NDUFV3: variants seen among roughly 807,000 people sequenced by gnomAD.
NDUFV3 encodes NADH:ubiquinone oxidoreductase subunit V3.
Under a neutral mutation model 37.5 loss-of-function variants are expected in NDUFV3, and 44 were observed. The observed-to-expected ratio is 1.17, with a 90% CI of 0.92 to 1.51. The LOEUF (loss-of-function observed/expected upper bound fraction) is 1.51, where lower values mean the gene tolerates loss of function less well. Among genes scored for constraint, NDUFV3 ranks in the 40% most tolerant of loss-of-function variants. The pLI, the probability that NDUFV3 is intolerant of heterozygous loss-of-function variation, is 0.00. For missense variants in NDUFV3, 580 were observed against 580.4 expected (o/e 1.00, Z 0.01); for synonymous variants, 235 against 239.3 (o/e 0.98, Z 0.17).
At chr21:42,901,334 C>T (rs1361131888) in intron 2 of NDUFV3, among the ~76,000 whole-genome samples, 2 of 151,880 alleles carry the variant, frequency 1.3e-5, no homozygotes, top group African/African-American at 4.8e-5. Flanking sequence ...CCCAGCTACT[C>T]GGGAGGCTGA....
At chr21:42,894,375 TATA>T (rs1220385344) in intron 1 of NDUFV3, among the ~76,000 whole-genome samples, 1 of 31,040 alleles carries the variant, frequency 3.2e-5, no homozygotes, top group East Asian at 4.2e-4. Flanking sequence ...TATATATTTA[TATA>T]ATATGTAAAT....
rs1568859246 is a variant in NDUFV3, at chr21:42,903,371, C to G, written c.359C>G (p.Thr120Ser). Residue 120 changes from threonine (T) to serine (S), a missense_variant, in exon 3 of 4, where the codon ACT becomes AGT. Transcript: ENST00000354250. ...GTTCCGAAATTTTTGTCAAGAAAGA[C>G]TTTGGTAGAGTTTCCACAGAAAGTT... ...EGVPKFLSRKTLVEFPQKVLS... is the reference protein window; with the variant it reads ...EGVPKFLSRKSLVEFPQKVLS... The G allele has an allele frequency of 4.3e-6, 7 of 1,614,184 alleles. No individual in the cohort carries two copies. The highest frequency in any genetic ancestry group is 5.9e-6 in the Non-Finnish European group (7 of 1,180,036).
intron 1 of NDUFV3, among the ~76,000 whole-genome samples, chr21:42,894,444 TATATA>T (rs2058678410): frequency 1.8e-5 from 1 of 55,320 alleles, no homozygotes; most frequent in Non-Finnish European, 2.9e-5. Context: ...TATTATATAA[TATATA>T]TAATATGTTT....
chr21:42,901,416 T>C (rs143521516), intron 2 of NDUFV3, among the ~76,000 whole-genome samples: 1 of 150,294 alleles, frequency 6.7e-6, no homozygotes, highest in African/African-American at 2.5e-5. Context: ...CACTCTAGCC[T>C]GACCCAAAAG....
chr21:42,910,094 G>A lies in NDUFV3; in HGVS notation c.*1073G>A, dbSNP rs1186155113. The A allele has an allele frequency of 6.6e-6, 1 of 152,110 alleles. No individual in the cohort carries two copies. The highest frequency in any genetic ancestry group is 1.5e-5 in the Non-Finnish European group (1 of 68,040). 9.4% of individuals were successfully genotyped at this position (152,110 alleles called of 1,614,324 possible). On this transcript the variant is annotated 3_prime_UTR_variant, in exon 4 of 4. Transcript: ENST00000354250. ...TAATCCCAGCGCTTTGGGAGGGCGAGGCGGGTGGAGCACCTGAGGTCAGGA... is the reference window on the plus strand; with the variant it reads ...TAATCCCAGCGCTTTGGGAGGGCGAAGCGGGTGGAGCACCTGAGGTCAGGA...
chr21:42,904,062 C>T lies in NDUFV3; in HGVS notation c.1050C>T (p.Pro350=). The change falls in exon 3 of 4, where the codon CCC becomes CCT. Residue 350 remains proline (P), a synonymous_variant. Transcript: ENST00000354250. ...AGCGCAAGGCGGCCCCTCCCCTGCCCAGAAAGGAAACCTCAGGGACGCAGG... is the reference window on the plus strand; with the variant it reads ...AGCGCAAGGCGGCCCCTCCCCTGCCTAGAAAGGAAACCTCAGGGACGCAGG... The part of the protein sequence containing the change: ...EPQRKAAPPL[P]RKETSGTQGI... 6.2e-7 allele frequency: 1 copy of T among 1,614,216 alleles called. No homozygotes were observed. Among genetic ancestry groups the T allele is most frequent in the Non-Finnish European group, 8.5e-7 (1 of 1,180,048 alleles).
In NDUFV3 at chr21:42,893,675, G is replaced by C. The variant is rs536166850; in HGVS notation, c.48+294G>C. Among the ~76,000 whole-genome samples the C allele has an allele frequency of 2.1e-4, 32 of 152,328 alleles. 3 individuals are homozygous for C. The East Asian group carries it at 5.2e-3, about 25-fold the overall frequency. ...GGCGCTCCCGAGGGCTGCATGCCTG[G>C]GCGGCAGACTCGGGTGGACGTTCCC... On this transcript the variant is annotated intron_variant, in intron 1 of 3. Coordinates refer to ENST00000354250, the MANE Select transcript of NDUFV3 (RefSeq NM_021075.4).
intron 3 of NDUFV3, 150 bp from the exon 4 acceptor site, chr21:42,908,714 G>A (rs569408555): frequency 1.5e-5 from 11 of 734,756 alleles, no homozygotes; most frequent in East Asian, 5.4e-5. Flanking sequence ...GTAGGTAAGC[G>A]CCTGTATGTG....
Position 42,904,224 on chromosome 21 carries a change from C to T in NDUFV3, c.1212C>T (p.Gly404=), listed in dbSNP as rs1460453148. 35 of 1,612,910 alleles carry T rather than the reference C, an allele frequency of 2.2e-5. No homozygotes were observed. The highest frequency in any genetic ancestry group is 2.7e-5 in the Non-Finnish European group (32 of 1,179,536). ...KTAALKLEAE[G]EAMEDAAAPG... ...CAGCGCTGAAGCTTGAGGCCGAGGG[C>T]GAGGCCATGGAAGATGCAGCCGCGC... Residue 404 remains glycine (G), a synonymous_variant, in exon 3 of 4, where the codon GGC becomes GGT. Transcript: ENST00000354250.
At chr21:42,905,577 G>A (rs1037433204) in intron 3 of NDUFV3, among the ~76,000 whole-genome samples, 75 of 152,214 alleles carry the variant, frequency 4.9e-4, no homozygotes, top group African/African-American at 1.8e-3. Flanking sequence ...GTACAATGGC[G>A]CAATCTTGGC....
chr21:42,897,951 C>G (rs756351030), intron 2 of NDUFV3, among the ~76,000 whole-genome samples: 2 of 152,254 alleles, frequency 1.3e-5, no homozygotes, highest in Non-Finnish European at 2.9e-5. Context: ...GCTGGAATTA[C>G]AGGCGTGAGC....
In NDUFV3 at chr21:42,910,400, A is replaced by G. The variant is rs1050946138; in HGVS notation, c.*1379A>G. 6.6e-6 allele frequency: 1 copy of G among 152,388 alleles called. No individual in the cohort carries two copies. The highest frequency in any genetic ancestry group is 1.5e-5 in the Non-Finnish European group (1 of 68,112). The allele number at this position is 152,388 out of a possible 1,614,324, so 9.4% of individuals were successfully genotyped here. Reference sequence around the variant, plus strand: ...TTGTATTGCAGTATTTTACCATCAGAAAAGGAAGGGAATTGTTTTGTTTGC... The same window carrying G: ...TTGTATTGCAGTATTTTACCATCAGGAAAGGAAGGGAATTGTTTTGTTTGC... On this transcript the variant is annotated 3_prime_UTR_variant, in exon 4 of 4. Transcript: ENST00000354250.
chr21:42,907,024 A>C, intron 3 of NDUFV3: 1 of 395,318 alleles, frequency 2.5e-6, no homozygotes, highest in Non-Finnish European at 5.0e-6. Flanking sequence ...AATGGAAGTT[A>C]AGACAGACCT....
At position 42,908,935 on chromosome 21, in the gene NDUFV3, A is replaced by G. The variant is rs2058754628; in HGVS notation, c.1336A>G (p.Thr446Ala). ...YKNLQHHDYS[T>A]YTFLDLNLEL... Reference sequence around the variant, plus strand: ...GAACCTGCAGCATCATGACTACAGCACGTACACCTTCTTAGACCTCAACCT... The same window carrying G: ...GAACCTGCAGCATCATGACTACAGCGCGTACACCTTCTTAGACCTCAACCT... Residue 446 changes from threonine to alanine, a missense_variant, in exon 4 of 4, where the codon ACG (threonine) becomes GCG (alanine). Physicochemically the swap from Thr to Ala is moderately conservative, Grantham distance 58. Coordinates refer to ENST00000354250, the MANE Select transcript of NDUFV3 (RefSeq NM_021075.4). The G allele has an allele frequency of 6.2e-7, 1 of 1,613,968 alleles. No individual in the cohort carries two copies. The highest frequency in any genetic ancestry group is 1.7e-5 in the Admixed American group (1 of 59,964).
chr21:42,894,475 A>G lies in NDUFV3; in HGVS notation c.48+1094A>G, dbSNP rs1283343442. On this transcript the variant is annotated intron_variant, in intron 1 of 3. Transcript: ENST00000354250. ...TAATATGTTTATATAAATATATATTATATATTTATATATTTATATAATATA... is the reference window on the plus strand; with the variant it reads ...TAATATGTTTATATAAATATATATTGTATATTTATATATTTATATAATATA... Among the ~76,000 whole-genome samples the G allele has an allele frequency of 4.3e-5, 3 of 69,250 alleles. No homozygotes were observed. The Admixed American group carries it at 6.1e-4, about 14-fold the overall frequency. 45.4% of individuals were successfully genotyped at this position (69,250 alleles called of 152,430 possible). A position where few individuals can be genotyped will look rare whatever the true frequency, so the allele number is the denominator to read the frequency against.
At chr21:42,895,669 AAAG>A (rs1264746391) in intron 1 of NDUFV3, among the ~76,000 whole-genome samples, 2 of 151,784 alleles carry the variant, frequency 1.3e-5, no homozygotes, top group Non-Finnish European at 2.9e-5. Flanking sequence ...AAAAAAAAGA[AAAG>A]AAAAAAGAAG....
Position 42,909,070 on chromosome 21 carries a change from G to C in NDUFV3, c.*49G>C. 2 of 1,590,036 alleles carry C rather than the reference G, an allele frequency of 1.3e-6. No homozygotes were observed. Among genetic ancestry groups the C allele is most frequent in the Non-Finnish European group, 1.7e-6 (2 of 1,163,292 alleles). On this transcript the variant is annotated 3_prime_UTR_variant, in exon 4 of 4. Transcript: ENST00000354250. ...CTTCCACCGTCTTCACTGCATCCTG[G>C]AGTGCAAAAATAAAATCCACTCAAG...
At chr21:42,894,978 A>G (rs2058684312) in intron 1 of NDUFV3, among the ~76,000 whole-genome samples, 1 of 152,120 alleles carries the variant, frequency 6.6e-6, no homozygotes, top group South Asian at 2.1e-4. Context: ...GACACTTTTG[A>G]AGCAGTTTTT....
intron 3 of NDUFV3, among the ~76,000 whole-genome samples, chr21:42,908,283 A>G: frequency 6.6e-6 from 1 of 151,964 alleles, no homozygotes; most frequent in East Asian, 1.9e-4. Context: ...ACTCCAGCCT[A>G]GACAACAGAG....
Sources: gnomAD v4.1 joint callset for allele counts (sites outside exome capture counted in the v4.1 genomes callset) on GRCh38, gnomAD v4.1.1 for gene constraint, MANE v1.5 for transcripts, NCBI Gene and HGNC (gene_info 2026-07-23, HGNC 2026-07-21) for gene names.